Variants in RREB1 observed in about 807,000 individuals in gnomAD.
RREB1 encodes the protein ras responsive element binding protein 1.
A neutral mutation model predicts 117.8 loss-of-function variants in RREB1; 27 were observed. That is an observed-to-expected ratio of 0.23 (90% CI 0.17 to 0.32). The LOEUF is 0.32. Ranked by LOEUF, RREB1 falls within the 10% of genes least tolerant of loss-of-function variation. The pLI is 1.00. For synonymous variants in RREB1, 1,298 were observed against 1,026.7 expected (o/e 1.26, Z -5.05); for missense variants, 2,577 against 2,378.2 (o/e 1.08, Z -1.74).
At chr6:7,187,612 A>T in intron 5 of RREB1, 89 bp downstream of exon 5, 1 of 579,360 alleles carries the variant, frequency 1.7e-6, no homozygotes, top group East Asian at 4.2e-5. Flanking sequence ...TAATGAGAAG[A>T]GGGGGAAGAG....
chr6:7,175,022 T>C (rs1260930017), intron 1 of RREB1, among the ~76,000 whole-genome samples: 1 of 152,146 alleles, frequency 6.6e-6, no homozygotes, highest in Non-Finnish European at 1.5e-5. Flanking sequence ...ATCTTGGCAG[T>C]TTCTAGAAAA....
chr6:7,172,694 G>C (rs908658635), intron 1 of RREB1, among the ~76,000 whole-genome samples: 9 of 146,238 alleles, frequency 6.2e-5, no homozygotes, highest in African/African-American at 2.4e-4. Context: ...GCCGGTGTGG[G>C]GGGGTGGGGG....
intron 6 of RREB1, among the ~76,000 whole-genome samples, chr6:7,193,112 A>G (rs1245309154): frequency 6.6e-6 from 1 of 152,142 alleles, no homozygotes; most frequent in African/African-American, 2.4e-5. Context: ...ATTAATTTCT[A>G]GTTTCATTCC....
chr6:7,112,303 A>G (rs575868740), intron 1 of RREB1, among the ~76,000 whole-genome samples: 4 of 152,266 alleles, frequency 2.6e-5, no homozygotes, highest in East Asian at 3.9e-4. Flanking sequence ...ATGAGTAACT[A>G]TCATCTCTTG....
intron 2 of RREB1, among the ~76,000 whole-genome samples, chr6:7,178,728 G>A (rs572330259): frequency 6.6e-6 from 1 of 152,228 alleles, no homozygotes; most frequent in East Asian, 1.9e-4. Context: ...TACGCTTTCA[G>A]ATTAGAGATG....
chr6:7,138,522 T>G (rs565709294), intron 1 of RREB1, among the ~76,000 whole-genome samples: 19 of 152,306 alleles, frequency 1.2e-4, no homozygotes, highest in Admixed American at 5.2e-4. Context: ...CTTCAGAAAA[T>G]GAAAGTTTAG....
intron 1 of RREB1, among the ~76,000 whole-genome samples, chr6:7,126,223 A>T (rs1761911569): frequency 6.6e-6 from 1 of 152,010 alleles, no homozygotes; most frequent in South Asian, 2.1e-4. Context: ...GCTGGCCTTG[A>T]ACTGCTGACC....
intron 1 of RREB1, among the ~76,000 whole-genome samples, chr6:7,153,132 A>C (rs1468403932): frequency 6.8e-6 from 1 of 147,134 alleles, no homozygotes; most frequent in African/African-American, 2.5e-5. Context: ...TTTTTGAGGA[A>C]AATATTTTTA....
chr6:7,134,596 ACT>A (rs375878459), intron 1 of RREB1, among the ~76,000 whole-genome samples: 69 of 152,194 alleles, frequency 4.5e-4, no homozygotes, highest in African/African-American at 1.7e-3. Flanking sequence ...TGACAGAAAA[ACT>A]CTATCGACAT....
In RREB1 at chr6:7,248,612, C is replaced by T; in HGVS notation, c.4873C>T (p.His1625Tyr). Residue 1625 changes from histidine to tyrosine, a missense_variant, in exon 13 of 13, where the codon CAC becomes TAC. His to Tyr is a moderately conservative substitution (Grantham distance 83). Coordinates refer to ENST00000379938, the MANE Select transcript of RREB1 (RefSeq NM_001003699.4). ...RIHQKARHAKHHGKDSDKEER... is the reference protein window; with the variant it reads ...RIHQKARHAKYHGKDSDKEER... ...CCACCAGAAAGCCAGGCATGCCAAA[C>T]ACCACGGGAAGGACAGCGACAAGGA... 3.1e-6 allele frequency: 5 copies of T among 1,614,276 alleles called. No individual in the cohort carries two copies. The highest frequency in any genetic ancestry group is 4.2e-6 in the Non-Finnish European group (5 of 1,180,058).
intron 5 of RREB1, among the ~76,000 whole-genome samples, chr6:7,188,068 C>A (rs1561769792): frequency 6.6e-6 from 1 of 152,116 alleles, no homozygotes. Flanking sequence ...ACTTGGGAGG[C>A]TGAGACAGGA....
At chr6:7,146,400 G>A (rs1762861142) in intron 1 of RREB1, among the ~76,000 whole-genome samples, 3 of 152,132 alleles carry the variant, frequency 2.0e-5, no homozygotes, top group South Asian at 4.1e-4. Context: ...AGGCGAGGTG[G>A]GGACGGAGAA....
intron 4 of RREB1, 108 bp from the exon 5 acceptor site, chr6:7,187,326 T>C: frequency 1.9e-6 from 1 of 535,000 alleles, no homozygotes; most frequent in Admixed American, 3.1e-5. Context: ...CTGGAGCCCA[T>C]GCTCTCAGCT....
chr6:7,188,016 A>G (rs1765174944), intron 5 of RREB1, among the ~76,000 whole-genome samples: 2 of 152,096 alleles, frequency 1.3e-5, no homozygotes, highest in Admixed American at 1.3e-4. Flanking sequence ...CAAAAATGCA[A>G]AAATTAGCCA....
chr6:7,199,620 A>C (rs1365650241), intron 6 of RREB1, among the ~76,000 whole-genome samples: 1 of 151,822 alleles, frequency 6.6e-6, no homozygotes, highest in Non-Finnish European at 1.5e-5. Context: ...TTACATATAT[A>C]TGTGTGTGTG....
chr6:7,184,943 C>G (rs2113539827), intron 4 of RREB1: 1 of 152,182 alleles, frequency 6.6e-6, no homozygotes, highest in East Asian at 1.9e-4. Context: ...AGGTGGAACT[C>G]ATCCCCAACT....
rs1258784126 is a variant in RREB1, at chr6:7,246,769, G to T, written c.4319G>T (p.Gly1440Val). The part of the protein sequence containing the change: ...AEGDGEAGAG[G>V]AASQEQKLAC... ...GGCGACGGCGAGGCAGGCGCCGGGGGCGCGGCCTCGCAGGAGCAGAAGCTC... is the reference window on the plus strand; with the variant it reads ...GGCGACGGCGAGGCAGGCGCCGGGGTCGCGGCCTCGCAGGAGCAGAAGCTC... Residue 1440 changes from glycine to valine, a missense_variant, in exon 12 of 13, where the codon GGC (glycine) becomes GTC (valine). Gly to Val is a moderately radical substitution (Grantham distance 109, BLOSUM62 -3). Coordinates refer to ENST00000379938, the MANE Select transcript of RREB1 (RefSeq NM_001003699.4). 1.9e-6 allele frequency: 3 copies of T among 1,554,160 alleles called. No homozygotes were observed. Among genetic ancestry groups the T allele is most frequent in the Non-Finnish European group, 2.6e-6 (3 of 1,150,982 alleles).
At chr6:7,238,865 C>G (rs1382984295) in intron 10 of RREB1, among the ~76,000 whole-genome samples, 1 of 152,226 alleles carries the variant, frequency 6.6e-6, no homozygotes, top group Admixed American at 6.5e-5. Context: ...TCTTTTAGCT[C>G]AGGAGGGAAT....
chr6:7,227,265 G>A (rs1281451465), intron 9 of RREB1, among the ~76,000 whole-genome samples: 11 of 151,544 alleles, frequency 7.3e-5, no homozygotes, highest in Non-Finnish European at 1.0e-4. Context: ...TTTTAGGGCC[G>A]GGCGTGGTGG....
Sources: gnomAD v4.1 joint callset for allele counts (sites outside exome capture counted in the v4.1 genomes callset) on GRCh38, gnomAD v4.1.1 for gene constraint, MANE v1.5 for transcripts, NCBI Gene and HGNC (gene_info 2026-07-23, HGNC 2026-07-21) for gene names.